The following POLA1 variants were observed in gnomAD, a reference collection of about 807,000 sequenced individuals.
The protein encoded by POLA1 is DNA polymerase alpha 1, catalytic subunit.
A neutral mutation model predicts 124.0 loss-of-function variants in POLA1; 15 were observed. That is an observed-to-expected ratio of 0.12 (90% CI 0.08 to 0.19). POLA1 has a LOEUF of 0.19. Ranked by LOEUF, POLA1 falls within the 10% of genes least tolerant of loss-of-function variation. The pLI, the probability that POLA1 is intolerant of heterozygous loss-of-function variation, is 1.00. For synonymous variants in POLA1, 408 were observed against 389.4 expected (o/e 1.05, Z -0.56); for missense variants, 886 against 1,103.4 (o/e 0.80, Z 2.79).
At chrX:24,738,911 A>C in intron 19 of POLA1, among the ~76,000 whole-genome samples, 1 of 111,535 alleles carries the variant, frequency 9.0e-6, no homozygotes, top group African/African-American at 3.3e-5. Flanking sequence ...TTTCTTATTC[A>C]TATCTTTAAG....
chrX:24,790,529 C>T (rs1031873862), intron 26 of POLA1, among the ~76,000 whole-genome samples: 3 of 111,116 alleles, frequency 2.7e-5, no homozygotes, highest in Middle Eastern at 4.6e-3. Context: ...AAATTGTTGA[C>T]GTCCATCTCC....
chrX:24,804,584 A>T (rs762066673), intron 26 of POLA1, among the ~76,000 whole-genome samples: 2 of 111,814 alleles, frequency 1.8e-5, no homozygotes, highest in South Asian at 7.5e-4. Context: ...ACATTTTCTT[A>T]ACTTGTAGGA....
At chrX:24,966,730 T>C (rs1235247387) in intron 36 of POLA1, among the ~76,000 whole-genome samples, 1 of 111,864 alleles carries the variant, frequency 8.9e-6, no homozygotes, top group Admixed American at 9.5e-5. Context: ...AAAAAGAGAT[T>C]GGCAGCTTTA....
intron 34 of POLA1, among the ~76,000 whole-genome samples, chrX:24,867,596 G>T (rs957900483): frequency 1.8e-5 from 2 of 111,431 alleles, no homozygotes; most frequent in African/African-American, 6.5e-5. Flanking sequence ...TAACTTACAT[G>T]CTCTTTTTTA....
chrX:24,724,313 G>C, intron 11 of POLA1, 22 bp from the exon 12 acceptor site: 1 of 794,272 alleles, frequency 1.3e-6, no homozygotes, highest in Admixed American at 2.5e-5. Context: ...TTTCCCCTCT[G>C]TCCCCTTCTC....
intron 36 of POLA1, among the ~76,000 whole-genome samples, chrX:24,967,971 A>G (rs1330276428): frequency 6.3e-5 from 7 of 111,585 alleles, no homozygotes; most frequent in Non-Finnish European, 1.3e-4. Context: ...CACTAAATAC[A>G]CTTAATGGTA....
chrX:24,857,980 T>G (rs2046668681), intron 34 of POLA1, among the ~76,000 whole-genome samples: 1 of 111,919 alleles, frequency 8.9e-6, no homozygotes, highest in Admixed American at 9.5e-5. Context: ...ATGTGCTATA[T>G]ATGAGAATAT....
intron 36 of POLA1, among the ~76,000 whole-genome samples, chrX:24,963,839 AT>A: frequency 9.0e-6 from 1 of 111,488 alleles, no homozygotes; most frequent in Admixed American, 9.6e-5. Context: ...GTTATACCTA[AT>A]TTTTCCCCCA....
At chrX:24,730,452 G>T (rs1930834164) in intron 15 of POLA1, among the ~76,000 whole-genome samples, 2 of 110,017 alleles carry the variant, frequency 1.8e-5, no homozygotes, top group Non-Finnish European at 3.8e-5. Flanking sequence ...CCCCATGTTG[G>T]CCAGGCTAGT....
intron 36 of POLA1, among the ~76,000 whole-genome samples, chrX:24,970,755 G>GT (rs767784868): frequency 1.8e-4 from 20 of 111,742 alleles, no homozygotes; most frequent in Non-Finnish European, 3.0e-4. Context: ...AATCCAGGGT[G>GT]TTTTTTTTAA....
chrX:24,845,425 T>C (rs1227309472), intron 34 of POLA1, among the ~76,000 whole-genome samples: 1 of 112,084 alleles, frequency 8.9e-6, no homozygotes, highest in Non-Finnish European at 1.9e-5. Flanking sequence ...ATCTGAATTA[T>C]ATGTGATTGG....
At chrX:24,731,069 G>A (rs1028807006) in intron 15 of POLA1, among the ~76,000 whole-genome samples, 7 of 112,197 alleles carry the variant, frequency 6.2e-5, no homozygotes, top group African/African-American at 1.9e-4. Context: ...TATCTCTAAG[G>A]TAGAGATGAG....
chrX:24,976,785 C>T, intron 36 of POLA1, among the ~76,000 whole-genome samples: 1 of 112,145 alleles, frequency 8.9e-6, no homozygotes, highest in East Asian at 2.8e-4. Context: ...CAAACACAAC[C>T]ACTTGGGACT....
intron 35 of POLA1, among the ~76,000 whole-genome samples, chrX:24,898,535 T>C (rs1305616782): frequency 8.9e-6 from 1 of 112,463 alleles, no homozygotes; most frequent in African/African-American, 3.2e-5. Flanking sequence ...GGGAAGAAAT[T>C]ATGCGCACAA....
At position 24,717,713 on chromosome X, in the gene POLA1, C is replaced by T. The variant is rs1259710423; in HGVS notation, c.1042C>T (p.His348Tyr). The T allele has an allele frequency of 5.0e-6, 6 of 1,206,460 alleles. No homozygotes were observed. Among genetic ancestry groups the T allele is most frequent in the South Asian group, 1.8e-5 (1 of 56,304 alleles). ...AGGGGCAGATGAGGAACAAGTATTC[C>T]ACTTTTATTGGTTGGATGCTTATGA... Reference protein sequence around the residue: ...VKGADEEQVFHFYWLDAYEDQ... With the variant: ...VKGADEEQVFYFYWLDAYEDQ... The change falls in exon 10 of 37, where the codon CAC (histidine) becomes TAC (tyrosine). Residue 348 changes from histidine to tyrosine, a missense_variant. By Grantham distance (83) the His-to-Tyr change is moderately conservative (BLOSUM62 2). Around this residue, in one of 7 missense-constraint regions of POLA1, gnomAD observed 337 missense variants for 402.8 expected, o/e 0.84. Coordinates refer to ENST00000379068, the MANE Select transcript of POLA1 (RefSeq NM_001330360.2).
At position 24,741,444 on chromosome X, in the gene POLA1, G is replaced by A. The variant is rs1931651190; in HGVS notation, c.2286G>A (p.Met762Ile). The A allele has an allele frequency of 8.4e-7, 1 of 1,197,571 alleles. No individual in the cohort carries two copies. Among genetic ancestry groups the A allele is most frequent in the Non-Finnish European group, 1.1e-6 (1 of 882,537 alleles). Residue 762 changes from methionine to isoleucine, a missense_variant, in exon 21 of 37, where the codon ATG becomes ATA. Met to Ile is a conservative substitution (Grantham distance 10). Transcript: ENST00000379068. ...WKDAKFILQI[M>I]CELNVLPLAL... ...ATGCCAAGTTCATTTTGCAGATCAT[G>A]TGTGAGCTAAATGTTCTTCCATTAG...
chrX:24,698,747 G>A (rs963141630), intron 1 of POLA1, among the ~76,000 whole-genome samples: 2 of 110,975 alleles, frequency 1.8e-5, no homozygotes, highest in Non-Finnish European at 3.8e-5. Context: ...TCCGCCTCCC[G>A]GGTTCAAGTG....
chrX:24,898,850 C>G (rs145112850), intron 35 of POLA1, among the ~76,000 whole-genome samples: 79 of 111,534 alleles, frequency 7.1e-4, no homozygotes, highest in African/African-American at 2.4e-3. Context: ...TTCATTGTTT[C>G]ACTTTTAATG....
chrX:24,984,396 A>G (rs1025734608), intron 36 of POLA1, among the ~76,000 whole-genome samples: 1 of 112,143 alleles, frequency 8.9e-6, no homozygotes, highest in Non-Finnish European at 1.9e-5. Flanking sequence ...CTTCTCTGCT[A>G]TCATTGAACC....
Sources: allele counts gnomAD v4.1 joint callset (sites outside exome capture counted in the v4.1 genomes callset), GRCh38; gene constraint gnomAD v4.1.1; regional missense constraint gnomAD v4.1.1; transcripts MANE v1.5; gene names NCBI Gene and HGNC (gene_info 2026-07-23, HGNC 2026-07-21).